DPF3: variants seen among roughly 807,000 people sequenced by gnomAD.
DPF3 encodes the protein zinc finger protein DPF3.
DPF3 carries 18 observed loss-of-function variants against 56.8 expected under a neutral mutation model. The ratio of observed to expected loss-of-function variants is 0.32; its 90% CI spans 0.22 to 0.47. The LOEUF (loss-of-function observed/expected upper bound fraction) is 0.47. DPF3 is among the 20% of genes least tolerant of loss of function. The pLI is 1.00. For missense variants in DPF3, 403 were observed against 488.8 expected (o/e 0.82, Z 1.65); for synonymous variants, 188 against 180.2 (o/e 1.04, Z -0.35).
chr14:72,643,860 AG>A (rs1344500543), intron 8 of DPF3, among the ~76,000 whole-genome samples: 1 of 152,226 alleles, frequency 6.6e-6, no homozygotes, highest in Non-Finnish European at 1.5e-5. Flanking sequence ...AAGAGCACAC[AG>A]GAAGGATCCC....
chr14:72,859,477 C>G (rs376785686), intron 1 of DPF3, among the ~76,000 whole-genome samples: 163 of 104,374 alleles, frequency 1.6e-3, no homozygotes, highest in Non-Finnish European at 2.2e-3. Flanking sequence ...CCTCCCCCCC[C>G]CCCCCCACAC....
At chr14:72,657,191 A>G (rs1043625211) in intron 8 of DPF3, among the ~76,000 whole-genome samples, 2 of 152,198 alleles carry the variant, frequency 1.3e-5, no homozygotes, top group Admixed American at 1.3e-4. Flanking sequence ...TGCTGACCCC[A>G]AAGAGACCAT....
intron 8 of DPF3, among the ~76,000 whole-genome samples, chr14:72,655,310 TAATTA>T (rs1379548237): frequency 1.3e-5 from 2 of 152,190 alleles, no homozygotes; most frequent in Non-Finnish European, 2.9e-5. Context: ...ATTGTATATA[TAATTA>T]AATTCGTCTT....
chr14:72,869,491 G>A (rs1885808246), intron 1 of DPF3, among the ~76,000 whole-genome samples: 1 of 152,142 alleles, frequency 6.6e-6, no homozygotes, highest in Admixed American at 6.5e-5. Flanking sequence ...AATTCATAAT[G>A]CAAATGACAG....
At chr14:72,828,373 G>A (rs1362526700) in intron 1 of DPF3, among the ~76,000 whole-genome samples, 1 of 151,830 alleles carries the variant, frequency 6.6e-6, no homozygotes, top group South Asian at 2.1e-4. Flanking sequence ...ATTGAGACAA[G>A]CATTAAAAGA....
At chr14:72,646,114 T>C (rs1885716425) in intron 8 of DPF3, among the ~76,000 whole-genome samples, 1 of 152,222 alleles carries the variant, frequency 6.6e-6, no homozygotes, top group African/African-American at 2.4e-5. Context: ...CTCTCCACAC[T>C]GACTTCCCTC....
intron 2 of DPF3, among the ~76,000 whole-genome samples, chr14:72,771,038 TG>T (rs1891505895): frequency 6.6e-6 from 1 of 151,802 alleles, no homozygotes. Context: ...TAGCTGGGTG[TG>T]GTGGCGCACG....
At chr14:72,621,140 CAAAA>C (rs36094507) in intron 9 of DPF3, among the ~76,000 whole-genome samples, 9 of 122,052 alleles carry the variant, frequency 7.4e-5, no homozygotes, top group Non-Finnish European at 7.1e-5. Context: ...GACTCTGTCT[CAAAA>C]AAAAAAAAAA....
intron 2 of DPF3, among the ~76,000 whole-genome samples, chr14:72,756,014 G>C (rs740981): frequency 0.21 from 31,777 of 152,160 alleles, 4,073 homozygotes; most frequent in Middle Eastern, 0.3. Flanking sequence ...GCGTGCATGT[G>C]CATGTGTGGT....
chr14:72,773,939 G>T, intron 1 of DPF3: 1 of 455,338 alleles, frequency 2.2e-6, no homozygotes, highest in Non-Finnish European at 4.4e-6. Context: ...CCACATTTTA[G>T]CTATTCTGAA....
At chr14:72,891,707 G>T (rs1567272998) in intron 1 of DPF3, among the ~76,000 whole-genome samples, 1 of 152,036 alleles carries the variant, frequency 6.6e-6, no homozygotes, top group African/African-American at 2.4e-5. Context: ...GAGAGGCTGG[G>T]CTGGTCAGTG....
intron 1 of DPF3, among the ~76,000 whole-genome samples, chr14:72,888,159 C>T (rs1438503080): frequency 6.6e-6 from 1 of 151,952 alleles, no homozygotes; most frequent in Non-Finnish European, 1.5e-5. Context: ...GAACCTAATC[C>T]TCTCACCCCT....
At chr14:72,817,513 A>C (rs1396590647) in intron 1 of DPF3, among the ~76,000 whole-genome samples, 1 of 152,120 alleles carries the variant, frequency 6.6e-6, no homozygotes, top group Non-Finnish European at 1.5e-5. Context: ...AATAATAATA[A>C]TAATACAAAA....
chr14:72,740,014 GA>G (rs1300727628), intron 3 of DPF3, among the ~76,000 whole-genome samples: 2 of 152,162 alleles, frequency 1.3e-5, no homozygotes, highest in East Asian at 3.9e-4. Context: ...AGGGTGATGG[GA>G]GGGGGGTTAC....
chr14:72,697,576 C>T (rs1029945205), intron 6 of DPF3, among the ~76,000 whole-genome samples: 5 of 152,142 alleles, frequency 3.3e-5, no homozygotes, highest in African/African-American at 1.2e-4. Context: ...GGAAGACTAA[C>T]AGGAGAGGAA....
At chr14:72,658,540 C>G (rs376481892) in intron 8 of DPF3, among the ~76,000 whole-genome samples, 18 of 152,142 alleles carry the variant, frequency 1.2e-4, no homozygotes, top group African/African-American at 2.7e-4. Flanking sequence ...TTTAAAAAAT[C>G]TCTAAACTGT....
chr14:72,678,578 G>A lies in DPF3; in HGVS notation c.743-4210C>T, dbSNP rs139107302. On this transcript the variant is annotated intron_variant, in intron 7 of 10. Transcript: ENST00000556509. Reference sequence around the variant, plus strand: ...TGACCCAGCCATGAGCAATTTCCTGGTACTGTATATGAGATCATTATAAAA... The same window carrying A: ...TGACCCAGCCATGAGCAATTTCCTGATACTGTATATGAGATCATTATAAAA... 4.3e-3 allele frequency among the ~76,000 whole-genome samples: 653 copies of A among 152,254 alleles called. 4 individuals carry two copies. The highest frequency in any genetic ancestry group is 0.015 in the African/African-American group (619 of 41,532).
chr14:72,676,305 A>T (rs1264333829), intron 7 of DPF3, among the ~76,000 whole-genome samples: 1 of 152,202 alleles, frequency 6.6e-6, no homozygotes, highest in Non-Finnish European at 1.5e-5. Context: ...ATTCATAAAA[A>T]CTTACAGGGG....
intron 1 of DPF3, among the ~76,000 whole-genome samples, chr14:72,866,913 T>C (rs1885696244): frequency 6.7e-6 from 1 of 149,886 alleles, no homozygotes; most frequent in African/African-American, 2.4e-5. Flanking sequence ...GAGTGAGCCA[T>C]CATGCCTAGC....
Sources: gnomAD v4.1 joint callset for allele counts (sites outside exome capture counted in the v4.1 genomes callset) on GRCh38, gnomAD v4.1.1 for gene constraint, MANE v1.5 for transcripts, NCBI Gene and HGNC (gene_info 2026-07-23, HGNC 2026-07-21) for gene names.